The following RGL1 variants were observed in gnomAD, a reference collection of about 807,000 sequenced individuals.
RGL1 encodes ral guanine nucleotide dissociation stimulator like 1.
In RGL1, 24 loss-of-function variants were observed where a neutral mutation model predicts 95.2. The observed-to-expected ratio is 0.25, with a 90% CI of 0.18 to 0.35. The LOEUF (loss-of-function observed/expected upper bound fraction) is 0.35. Among genes scored for constraint, RGL1 ranks in the 10% least tolerant of loss-of-function variants. The pLI is 1.00. For missense variants in RGL1, 715 were observed against 936.3 expected, an observed-to-expected ratio of 0.76 and a Z score of 3.08; for synonymous variants, 329 against 344.9, an observed-to-expected ratio of 0.95 and a Z score of 0.51.
intron 1 of RGL1, among the ~76,000 whole-genome samples, chr1:183,686,352 T>C (rs566530176): frequency 6.6e-6 from 1 of 152,186 alleles, no homozygotes; most frequent in Non-Finnish European, 1.5e-5. Context: ...TATTTTCTCT[T>C]TTCAGTTGGT....
At chr1:183,869,458 C>A (rs560749935) in intron 4 of RGL1, among the ~76,000 whole-genome samples, 1 of 152,212 alleles carries the variant, frequency 6.6e-6, no homozygotes, top group Non-Finnish European at 1.5e-5. Context: ...AGTTCTTGAC[C>A]CTTTTGCTCA....
rs529220156 is a variant in RGL1, at chr1:183,763,938, G to T, written c.132+21649G>T. Among the ~76,000 whole-genome samples the T allele has an allele frequency of 1.8e-4, 28 of 152,270 alleles. No homozygotes were observed. The South Asian group carries it at 5.8e-3, about 32-fold the overall frequency. On this transcript the variant is annotated intron_variant, in intron 2 of 18. Coordinates refer to the RGL1 transcript ENST00000304685. ...CATTCTGGAAAGCCCCACACTCCAG[G>T]ATCCTTTGTTTTTAAGTGCCTGCAG...
chr1:183,828,619 G>A (rs1663046895), intron 2 of RGL1, among the ~76,000 whole-genome samples: 1 of 152,204 alleles, frequency 6.6e-6, no homozygotes, highest in Admixed American at 6.5e-5. Context: ...TCCTGTTTGA[G>A]CCTCAGTGTC....
chr1:183,867,280 GTT>G (rs1435691814), intron 4 of RGL1, among the ~76,000 whole-genome samples: 1 of 152,184 alleles, frequency 6.6e-6, no homozygotes, highest in African/African-American at 2.4e-5. Context: ...GGTGTTTAGA[GTT>G]AGGGAAGTAG....
Position 183,642,546 on chromosome 1 carries a change from A to G in RGL1, c.-33+6045A>G, listed in dbSNP as rs561803078. ...AACCAAGTATCAAAGGCCTAAATAA[A>G]CCCATATAACAGCTTGAAATGCGCT... On this transcript the variant is annotated intron_variant, in intron 1 of 18. Transcript: ENST00000304685. Among the ~76,000 whole-genome samples the G allele has an allele frequency of 2.0e-5, 3 of 152,310 alleles. No homozygotes were observed. The South Asian group carries it at 6.2e-4, about 32-fold the overall frequency.
At chr1:183,861,656 T>G (rs991302647) in intron 3 of RGL1, among the ~76,000 whole-genome samples, 2 of 152,234 alleles carry the variant, frequency 1.3e-5, no homozygotes, top group Admixed American at 6.5e-5. Flanking sequence ...AATTTTTATT[T>G]TAAGTTTTAT....
At chr1:183,722,167 A>G (rs1018362051) in intron 1 of RGL1, among the ~76,000 whole-genome samples, 1 of 151,934 alleles carries the variant, frequency 6.6e-6, no homozygotes, top group African/African-American at 2.4e-5. Flanking sequence ...GAACAGTGTC[A>G]TGGAAGTCAA....
intron 1 of RGL1, among the ~76,000 whole-genome samples, chr1:183,700,515 G>A (rs1200570163): frequency 6.6e-6 from 1 of 150,996 alleles, no homozygotes; most frequent in African/African-American, 2.4e-5. Flanking sequence ...CGTGTTCCAT[G>A]GTGGTTTGCT....
At chr1:183,660,951 A>G (rs1407427106) in intron 1 of RGL1, among the ~76,000 whole-genome samples, 3 of 152,242 alleles carry the variant, frequency 2.0e-5, no homozygotes, top group Non-Finnish European at 4.4e-5. Flanking sequence ...CTGCTCTTGA[A>G]TGACTACTGG....
chr1:183,664,206 A>G (rs1367383297), intron 1 of RGL1, among the ~76,000 whole-genome samples: 1 of 139,314 alleles, frequency 7.2e-6, no homozygotes, highest in Non-Finnish European at 1.6e-5. Context: ...TAAAACTTAA[A>G]GTATAATAAT....
intron 3 of RGL1, among the ~76,000 whole-genome samples, chr1:183,864,820 C>T (rs919640203): frequency 1.1e-4 from 16 of 152,164 alleles, no homozygotes; most frequent in African/African-American, 1.9e-4. Context: ...TGGAACCTAC[C>T]GGGATGGGAT....
At chr1:183,845,210 G>A (rs1039316372) in intron 2 of RGL1, among the ~76,000 whole-genome samples, 4 of 152,166 alleles carry the variant, frequency 2.6e-5, no homozygotes, top group Non-Finnish European at 5.9e-5. Context: ...CAGATAAACC[G>A]CCTGGCGATT....
intron 1 of RGL1, among the ~76,000 whole-genome samples, chr1:183,720,327 T>C (rs558190059): frequency 6.6e-6 from 1 of 152,234 alleles, no homozygotes; most frequent in Non-Finnish European, 1.5e-5. Flanking sequence ...GAACGGCCAA[T>C]CCTTTGCCTC....
intron 9 of RGL1, among the ~76,000 whole-genome samples, chr1:183,894,002 T>G (rs567450692): frequency 2.0e-4 from 30 of 152,354 alleles, no homozygotes; most frequent in African/African-American, 7.2e-4. Flanking sequence ...CAGTATGTGC[T>G]GATGTCTGAC....
At chr1:183,780,868 C>A (rs1007183921) in intron 2 of RGL1, among the ~76,000 whole-genome samples, 5 of 152,158 alleles carry the variant, frequency 3.3e-5, no homozygotes, top group African/African-American at 1.2e-4. Context: ...TTTCCTTTCC[C>A]AGGCCCAAGA....
intron 4 of RGL1, among the ~76,000 whole-genome samples, chr1:183,874,447 A>G (rs1666366378): frequency 6.6e-6 from 1 of 151,100 alleles, no homozygotes; most frequent in Non-Finnish European, 1.5e-5. Flanking sequence ...TCCCACTCAC[A>G]TTTACTGTCT....
At chr1:183,814,591 A>G (rs144475226) in intron 2 of RGL1, among the ~76,000 whole-genome samples, 68 of 152,260 alleles carry the variant, frequency 4.5e-4, no homozygotes, top group Admixed American at 4.2e-3. Context: ...GAATTCAGCA[A>G]TTCAACTTTT....
At chr1:183,823,134 GT>G (rs1299172583) in intron 2 of RGL1, among the ~76,000 whole-genome samples, 1 of 152,034 alleles carries the variant, frequency 6.6e-6, no homozygotes, top group Non-Finnish European at 1.5e-5. Flanking sequence ...GAAATCACCA[GT>G]TTTATAAGTT....
chr1:183,915,602 C>T (rs1668912457), intron 15 of RGL1, among the ~76,000 whole-genome samples: 1 of 152,214 alleles, frequency 6.6e-6, no homozygotes. Context: ...GAGCAAGTCA[C>T]TTTTATATTC....
Sources: allele counts gnomAD v4.1 joint callset (sites outside exome capture counted in the v4.1 genomes callset), GRCh38; gene constraint gnomAD v4.1.1; transcripts MANE v1.5; gene names NCBI Gene and HGNC (gene_info 2026-07-23, HGNC 2026-07-21).